Variants in KIF7 observed in about 807,000 individuals in gnomAD.
KIF7 encodes the protein kinesin-like protein KIF7.
A neutral mutation model predicts 135.7 loss-of-function variants in KIF7; 104 were observed. The ratio of observed to expected loss-of-function variants is 0.77; its 90% CI spans 0.65 to 0.90. The LOEUF is 0.90. Ranked by LOEUF, KIF7 falls within the 40% of genes least tolerant of loss-of-function variation. KIF7 has a pLI of 0.00. For missense variants in KIF7, 2,005 were observed against 1,839.1 expected (o/e 1.09, Z -1.65); for synonymous variants, 883 against 809.4 (o/e 1.09, Z -1.54).
Position 89,630,466 on chromosome 15 carries a change from C to T in KIF7, c.3139G>A (p.Glu1047Lys). The change falls in exon 16 of 19, where the codon GAG becomes AAG. Residue 1047 changes from glutamate (E) to lysine (K), a missense_variant. Transcript: ENST00000394412. ...EEERTLFQLDEAIEALDAAIE... is the reference protein window; with the variant it reads ...EEERTLFQLDKAIEALDAAIE... ...GCAGCATCCAGGGCCTCGATGGCCT[C>T]ATCCAACTGGAACAGCGTCCGCTCC... is the stretch of plus-strand genomic sequence containing the variant. 1 of 1,563,520 alleles carries T rather than the reference C, an allele frequency of 6.4e-7. No homozygotes were observed. Among genetic ancestry groups the T allele is most frequent in the Non-Finnish European group, 8.7e-7 (1 of 1,153,850 alleles).
chr15:89,652,925 C>A lies in KIF7; in HGVS notation c.6G>T (p.Gly2=). The change falls in exon 2 of 19, where the codon GGG becomes GGT. Residue 2 remains glycine, a synonymous_variant. Transcript: ENST00000394412. ...CCCCTGGCAGCCTCTGAGCCTCCAG[C>A]CCCATGCCGAGGGAGGACTGCTCTG... M[G]LEAQRLPGAE... is the part of the protein sequence containing the mutation. The A allele has an allele frequency of 6.6e-7, 1 of 1,516,612 alleles. No homozygotes were observed. Among genetic ancestry groups the A allele is most frequent in the Non-Finnish European group, 8.9e-7 (1 of 1,129,022 alleles). 93.9% of individuals were successfully genotyped at this position (1,516,612 alleles called of 1,614,324 possible).
rs776816025 is a variant in KIF7 at position 89,629,006 on chromosome 15, C to T, written c.3634G>A (p.Gly1212Ser). The T allele has an allele frequency of 6.8e-6, 11 of 1,613,596 alleles. No individual in the cohort carries two copies. Among genetic ancestry groups the T allele is most frequent in the South Asian group, 1.1e-5 (1 of 91,064 alleles). ...CTGTGGCCTACAGCGTTCACACCGC[C>T]GAGCTTCTGTTTCAGTTCCTGGTTT... ...WINQELKQKLGGVNAVGHSRG... is the reference protein window; with the variant it reads ...WINQELKQKLSGVNAVGHSRG... Residue 1212 changes from glycine to serine, a missense_variant, in exon 18 of 19, where the codon GGC (glycine) becomes AGC (serine). Physicochemically the swap from Gly to Ser is moderately conservative, Grantham distance 56. Transcript: ENST00000394412.
intron 2 of KIF7, among the ~76,000 whole-genome samples, chr15:89,652,216 G>C (rs2142035566): frequency 6.6e-6 from 1 of 152,284 alleles, no homozygotes; most frequent in South Asian, 2.1e-4. Flanking sequence ...ATCCAAAGCA[G>C]CCTCTTCCAG....
intron 11 of KIF7, 120 bp downstream of exon 11, chr15:89,642,083 C>A: frequency 1.9e-6 from 2 of 1,062,948 alleles, no homozygotes; most frequent in South Asian, 2.9e-5. Flanking sequence ...AGGGCCAGGG[C>A]TGGAGCACAA....
intron 4 of KIF7, 22 bp downstream of exon 4, chr15:89,648,952 T>C (rs1567067633): frequency 6.6e-7 from 1 of 1,518,290 alleles, no homozygotes; most frequent in South Asian, 1.2e-5. Flanking sequence ...CCAGGCCACA[T>C]AGGAGCCAGG....
intron 1 of KIF7, chr15:89,618,244 C>A (rs377670066): frequency 5.0e-6 from 8 of 1,592,284 alleles, no homozygotes; most frequent in Non-Finnish European, 6.0e-6. Context: ...TTAATGCAAT[C>A]TACCCAGCTT....
downstream of KIF7, chr15:89,624,026 A>G (rs892633688): frequency 1.9e-6 from 3 of 1,613,780 alleles, no homozygotes; most frequent in African/African-American, 2.7e-5. Flanking sequence ...CCCAGGAGAG[A>G]GTGTCTCACT....
Position 89,630,435 on chromosome 15 carries a change from T to C in KIF7, c.3170A>G (p.Glu1057Gly), listed in dbSNP as rs1963648189. ...GCATGTGATGGCCTCATTCTTATAC[T>C]CAATGGCAGCATCCAGGGCCTCGAT... ...EAIEALDAAI[E>G]YKNEAITCRQ... Residue 1057 changes from glutamate to glycine, a missense_variant, in exon 16 of 19, where the codon GAG becomes GGG. Glu to Gly is a moderately conservative substitution (Grantham distance 98). Transcript: ENST00000394412. The C allele has an allele frequency of 6.3e-7, 1 of 1,595,012 alleles. No individual in the cohort carries two copies. Among genetic ancestry groups the C allele is most frequent in the Non-Finnish European group, 8.5e-7 (1 of 1,170,608 alleles).
At chr15:89,625,504 A>G (rs941067135), downstream of KIF7, 37 of 1,613,662 alleles carry the variant, frequency 2.3e-5, no homozygotes, top group Admixed American at 5.0e-5. Flanking sequence ...CATCCACAGG[A>G]CGCCCATCTT....
chr15:89,631,585 G>C lies in KIF7; in HGVS notation c.3021C>G (p.Ile1007Met), dbSNP rs142488318. ...AQSQQQIRGE[I>M]DSLRQEKDSL... Reference sequence around the variant, plus strand: ...AGTCCTTCTCCTGGCGCAGGCTGTCGATCTCCCCGCGGATCTGCTGCTGGC... The same window carrying C: ...AGTCCTTCTCCTGGCGCAGGCTGTCCATCTCCCCGCGGATCTGCTGCTGGC... The change falls in exon 15 of 19, where the codon ATC becomes ATG. Residue 1007 changes from isoleucine (I) to methionine (M), a missense_variant. Ile to Met is a conservative substitution (Grantham distance 10, BLOSUM62 1). Transcript: ENST00000394412. 2 of 1,565,800 alleles carry C rather than the reference G, an allele frequency of 1.3e-6. No homozygotes were observed. The highest frequency in any genetic ancestry group is 1.7e-6 in the Non-Finnish European group (2 of 1,154,246).
upstream of KIF7, among the ~76,000 whole-genome samples, chr15:89,657,893 A>G (rs1018192062): frequency 1.3e-5 from 2 of 152,266 alleles, no homozygotes; most frequent in Non-Finnish European, 2.9e-5. Flanking sequence ...GAAGGGCAGT[A>G]TGGGTGGACT....
chr15:89,642,470 C>A, intron 10 of KIF7, 65 bp from the exon 11 acceptor site: 3 of 1,456,548 alleles, frequency 2.1e-6, no homozygotes, highest in Non-Finnish European at 1.9e-6. Flanking sequence ...GCTGTTTGTC[C>A]CCCTGGGAGG....
intron 17 of KIF7, 75 bp from the exon 18 acceptor site, chr15:89,629,197 G>A: frequency 4.0e-6 from 1 of 252,426 alleles, no homozygotes; most frequent in Non-Finnish European, 6.6e-6. Flanking sequence ...GGGGGTGGGG[G>A]CTGTGGGCTG....
At chr15:89,634,519 T>C (rs1963760448) in intron 11 of KIF7, among the ~76,000 whole-genome samples, 1 of 152,148 alleles carries the variant, frequency 6.6e-6, no homozygotes, top group Admixed American at 6.5e-5. Context: ...ACTCGGGAAG[T>C]GCAAGGGGTC....
At chr15:89,636,028 A>G (rs1963800074) in intron 11 of KIF7, among the ~76,000 whole-genome samples, 1 of 152,136 alleles carries the variant, frequency 6.6e-6, no homozygotes, top group African/African-American at 2.4e-5. Flanking sequence ...AATATTCAAC[A>G]TTCTTAAAGA....
rs192455301 is a variant in KIF7 at position 89,641,350 on chromosome 15, G to A, written c.2394+853C>T. On this transcript the variant is annotated intron_variant, in intron 11 of 18. Coordinates refer to ENST00000394412, the MANE Select transcript of KIF7 (RefSeq NM_198525.3). Reference sequence around the variant, plus strand: ...CTCGGACTGACAGCCTCCAGAGCTGGGAGAAACTAAACTTCTGCTGTTTAA... The same window carrying A: ...CTCGGACTGACAGCCTCCAGAGCTGAGAGAAACTAAACTTCTGCTGTTTAA... Among the ~76,000 whole-genome samples, 337 of 152,246 alleles carry A rather than the reference G, an allele frequency of 2.2e-3. 2 individuals are homozygous for A. The highest frequency in any genetic ancestry group is 7.9e-3 in the African/African-American group (327 of 41,544).
At chr15:89,623,816 T>C, downstream of KIF7, 3 of 1,613,834 alleles carry the variant, frequency 1.9e-6, no homozygotes, top group Non-Finnish European at 2.5e-6. Context: ...GACTCACCAT[T>C]GGATTCAAAA....
At position 89,647,659 on chromosome 15, in the gene KIF7, C is replaced by T. The variant is rs753315257; in HGVS notation, c.1497G>A (p.Leu499=). 6.2e-7 allele frequency: 1 copy of T among 1,610,456 alleles called. No homozygotes were observed. Among genetic ancestry groups the T allele is most frequent in the South Asian group, 1.1e-5 (1 of 90,762 alleles). Residue 499 remains leucine (L), a synonymous_variant, in exon 6 of 19, where the codon CTG becomes CTA. Coordinates refer to ENST00000394412, the MANE Select transcript of KIF7 (RefSeq NM_198525.3). ...CCAGAAAGTCTCGGTTCTCCTCCTC[C>T]AGCCGCGCCACCTGGTTCTGCAGGG... The part of the protein sequence containing the change: ...LLTLQNQVAR[L]EEENRDFLAA...
Position 89,629,028 on chromosome 15 carries a change from G to T in KIF7, c.3612C>A (p.Asn1204Lys), listed in dbSNP as rs918639337. Residue 1204 changes from asparagine to lysine, a missense_variant, in exon 18 of 19, where the codon AAC (asparagine) becomes AAA (lysine). By Grantham distance (94) the Asn-to-Lys change is moderately conservative (BLOSUM62 0). Coordinates refer to ENST00000394412, the MANE Select transcript of KIF7 (RefSeq NM_198525.3). ...CGCCGAGCTTCTGTTTCAGTTCCTG[G>T]TTTATCCACATGTAACGGCCCAGTT... ...EKELGRYMWI[N>K]QELKQKLGGV... 2 of 1,613,624 alleles carry T rather than the reference G, an allele frequency of 1.2e-6. No individual in the cohort carries two copies. Among genetic ancestry groups the T allele is most frequent in the Admixed American group, 3.3e-5 (2 of 59,966 alleles).
Sources: allele counts gnomAD v4.1 joint callset (sites outside exome capture counted in the v4.1 genomes callset), GRCh38; gene constraint gnomAD v4.1.1; transcripts MANE v1.5; gene names NCBI Gene and HGNC (gene_info 2026-07-23, HGNC 2026-07-21).